The following AOAH variants were observed in gnomAD, a reference collection of about 807,000 sequenced individuals.
AOAH encodes the protein acyloxyacyl hydrolase (neutrophil).
A neutral mutation model predicts 92.2 loss-of-function variants in AOAH; 64 were observed. The observed-to-expected ratio is 0.69, with a 90% CI of 0.57 to 0.86. AOAH has a LOEUF of 0.86. AOAH is among the 40% of genes least tolerant of loss of function. AOAH has a pLI of 0.00. For synonymous variants in AOAH, 263 were observed against 254.5 expected, an observed-to-expected ratio of 1.03 and a Z score of -0.32; for missense variants, 656 against 694.6, an observed-to-expected ratio of 0.94 and a Z score of 0.62.
rs1161392587 is a variant in AOAH at position 36,594,291 on chromosome 7, C to A, written c.938+48G>T. ...TAGCAACCCCCATCTCTTGTTCTTT[C>A]CTTACACAGAGGTATTGAAATGTCT... On this transcript the variant is annotated intron_variant, in intron 12 of 20. Transcript: ENST00000617537. 7 of 1,447,648 alleles carry A rather than the reference C, an allele frequency of 4.8e-6. No individual in the cohort carries two copies. In the Admixed American group the frequency reaches 1.0e-4, roughly 21 times the overall value. 89.7% of individuals were successfully genotyped at this position (1,447,648 alleles called of 1,614,324 possible).
intron 13 of AOAH, among the ~76,000 whole-genome samples, chr7:36,571,714 GC>G (rs976553234): frequency 2.6e-5 from 4 of 152,130 alleles, no homozygotes; most frequent in African/African-American, 9.7e-5. Context: ...CAATTCAGCT[GC>G]CCCCAGCTAC....
chr7:36,594,092 T>A (rs1445664089), intron 12 of AOAH, among the ~76,000 whole-genome samples: 1 of 152,200 alleles, frequency 6.6e-6, no homozygotes, highest in East Asian at 1.9e-4. Flanking sequence ...GTGTTTAGTA[T>A]TTTCCATCAG....
chr7:36,717,518 G>C (rs1336869992), intron 1 of AOAH, among the ~76,000 whole-genome samples: 1 of 152,056 alleles, frequency 6.6e-6, no homozygotes, highest in East Asian at 1.9e-4. Context: ...GGAGCCAGTA[G>C]TCAACCAAAG....
intron 3 of AOAH, among the ~76,000 whole-genome samples, chr7:36,665,589 G>C (rs1469256884): frequency 6.6e-6 from 1 of 152,136 alleles, no homozygotes; most frequent in Non-Finnish European, 1.5e-5. Context: ...GTTGAAAAGA[G>C]TGGTGAGAGA....
At chr7:36,648,142 G>C (rs1178009851) in intron 4 of AOAH, among the ~76,000 whole-genome samples, 2 of 152,020 alleles carry the variant, frequency 1.3e-5, no homozygotes, top group Non-Finnish European at 2.9e-5. Flanking sequence ...CCAAGTGCTG[G>C]GATTACGCCC....
chr7:36,709,477 C>A (rs905825941), intron 1 of AOAH, among the ~76,000 whole-genome samples: 1 of 152,150 alleles, frequency 6.6e-6, no homozygotes, highest in African/African-American at 2.4e-5. Flanking sequence ...TGATTTCCTG[C>A]GCCCTGAAAT....
At chr7:36,630,883 C>T (rs555155707) in intron 6 of AOAH, among the ~76,000 whole-genome samples, 4 of 152,258 alleles carry the variant, frequency 2.6e-5, no homozygotes, top group Admixed American at 1.3e-4. Context: ...GCAGAAGTTA[C>T]TTCTTTAAGG....
At chr7:36,522,763 G>C (rs1784170329) in intron 19 of AOAH, among the ~76,000 whole-genome samples, 1 of 152,122 alleles carries the variant, frequency 6.6e-6, no homozygotes, top group African/African-American at 2.4e-5. Flanking sequence ...AACTCCTCAA[G>C]GAAACTTCAA....
At chr7:36,534,106 C>T (rs1784864805) in intron 16 of AOAH, among the ~76,000 whole-genome samples, 1 of 152,194 alleles carries the variant, frequency 6.6e-6, no homozygotes, top group South Asian at 2.1e-4. Context: ...GCCTGGATTT[C>T]TTTGATATCC....
intron 3 of AOAH, among the ~76,000 whole-genome samples, chr7:36,668,193 TTG>T (rs113575872): frequency 1.3e-5 from 2 of 151,726 alleles, no homozygotes; most frequent in Admixed American, 1.3e-4. Flanking sequence ...TGAGAGGTTT[TTG>T]TGTGTGTGTG....
chr7:36,548,852 C>T (rs1785988088), intron 14 of AOAH, among the ~76,000 whole-genome samples, 166 bp from the exon 15 acceptor site: 1 of 152,148 alleles, frequency 6.6e-6, no homozygotes, highest in African/African-American at 2.4e-5. Context: ...TTCCCATCTC[C>T]CATTTATTCT....
At chr7:36,585,804 G>C (rs1443534288) in intron 12 of AOAH, among the ~76,000 whole-genome samples, 1 of 152,166 alleles carries the variant, frequency 6.6e-6, no homozygotes, top group East Asian at 1.9e-4. Flanking sequence ...ACACTAAACT[G>C]ATCACAGGGC....
At chr7:36,685,660 A>G (rs184128617) in intron 2 of AOAH, among the ~76,000 whole-genome samples, 1 of 152,310 alleles carries the variant, frequency 6.6e-6, no homozygotes, top group African/African-American at 2.4e-5. Flanking sequence ...GGTTCCTTCT[A>G]GGGAGGTGGG....
intron 4 of AOAH, among the ~76,000 whole-genome samples, chr7:36,643,823 C>G (rs1794062868): frequency 6.6e-6 from 1 of 151,984 alleles, no homozygotes; most frequent in Non-Finnish European, 1.5e-5. Context: ...TGTAGGACTC[C>G]CTTTGCTCTC....
chr7:36,586,587 A>G (rs1230812144), intron 12 of AOAH, among the ~76,000 whole-genome samples: 1 of 152,126 alleles, frequency 6.6e-6, no homozygotes, highest in Non-Finnish European at 1.5e-5. Context: ...GTCTTCAGCT[A>G]TGTTTCCTTT....
intron 6 of AOAH, 67 bp from the exon 7 acceptor site, chr7:36,623,317 T>C: frequency 7.1e-7 from 1 of 1,398,776 alleles, no homozygotes; most frequent in Non-Finnish European, 1.0e-6. Context: ...TGAAAACAAA[T>C]AGAGAGACAT....
At chr7:36,546,682 T>G (rs1408919416) in intron 15 of AOAH, among the ~76,000 whole-genome samples, 2 of 152,254 alleles carry the variant, frequency 1.3e-5, no homozygotes, top group African/African-American at 4.8e-5. Context: ...TTTCTGCACA[T>G]GTTCTTTATT....
At position 36,541,245 on chromosome 7, in the gene AOAH, A is replaced by G. The variant is rs13244185; in HGVS notation, c.1134-754T>C. Among the ~76,000 whole-genome samples, 39 of 152,104 alleles carry G rather than the reference A, an allele frequency of 2.6e-4. 1 individual carries two copies. The highest frequency in any genetic ancestry group is 2.3e-3 in the Admixed American group (35 of 15,252). On this transcript the variant is annotated intron_variant, in intron 15 of 20. Coordinates refer to ENST00000617537, the MANE Select transcript of AOAH (RefSeq NM_001637.4). ...TTTCACAACAATTCCAGCCCGCATTATTGTCTTTATATAGTAGTGCTTGTG... is the reference window on the plus strand; with the variant it reads ...TTTCACAACAATTCCAGCCCGCATTGTTGTCTTTATATAGTAGTGCTTGTG...
At chr7:36,596,405 G>A (rs1288046742) in intron 11 of AOAH, among the ~76,000 whole-genome samples, 1 of 152,186 alleles carries the variant, frequency 6.6e-6, no homozygotes, top group African/African-American at 2.4e-5. Flanking sequence ...TCGAAAAGAT[G>A]TGTTGAAGTC....
Sources: gnomAD v4.1 joint callset for allele counts (sites outside exome capture counted in the v4.1 genomes callset) on GRCh38, gnomAD v4.1.1 for gene constraint, MANE v1.5 for transcripts, NCBI Gene and HGNC (gene_info 2026-07-23, HGNC 2026-07-21) for gene names.